Variants in TCF25 observed in about 807,000 individuals in gnomAD.
TCF25 encodes the protein TCF25 ribosome quality control complex subunit.
TCF25 carries 41 observed loss-of-function variants against 83.1 expected under a neutral mutation model. The ratio of observed to expected loss-of-function variants is 0.49; its 90% confidence interval spans 0.38 to 0.64. The LOEUF (loss-of-function observed/expected upper bound fraction) is 0.64, where lower values mean the gene tolerates loss of function less well. Ranked by LOEUF, TCF25 falls within the 30% of genes least tolerant of loss-of-function variation. TCF25 has a pLI of 0.00. For missense variants in TCF25, 979 were observed against 914.5 expected (o/e 1.07, Z -0.91); for synonymous variants, 458 against 365.0 (o/e 1.25, Z -2.90).
chr16:89,908,835 A>C, intron 16 of TCF25: 1 of 956,944 alleles, frequency 1.0e-6, no homozygotes, highest in Non-Finnish European at 1.4e-6. Context: ...CCCAGCTCCC[A>C]CCTCGCAGCT....
At position 89,898,788 on chromosome 16, in the gene TCF25, C is replaced by G; in HGVS notation, c.1137C>G (p.Pro379=). The part of the protein sequence containing the change: ...LILSLEPDED[P]LCMLLLIDHL... Reference sequence around the variant, plus strand: ...GAAGTCTCGAGCCGGATGAGGACCCCCTCTGCATGCTGCTGCTCATCGACC... The same window carrying G: ...GAAGTCTCGAGCCGGATGAGGACCCGCTCTGCATGCTGCTGCTCATCGACC... The change falls in exon 11 of 18, where the codon CCC becomes CCG. Residue 379 remains proline, a synonymous_variant. Coordinates refer to ENST00000263346, the MANE Select transcript of TCF25 (RefSeq NM_014972.3). 1 of 1,613,974 alleles carries G rather than the reference C, an allele frequency of 6.2e-7. No individual in the cohort carries two copies. The highest frequency in any genetic ancestry group is 8.5e-7 in the Non-Finnish European group (1 of 1,180,052).
Position 89,911,323 on chromosome 16 carries a change from G to A in TCF25, c.*85G>A. On this transcript the variant is annotated 3_prime_UTR_variant, in exon 18 of 18. Coordinates refer to ENST00000263346, the MANE Select transcript of TCF25 (RefSeq NM_014972.3). Reference sequence around the variant, plus strand: ...GAGTCGGCCAGTTGCCTGAAGTAGGGAAGCTGAGTGTGTCGCTCCCTGGTC... The same window carrying A: ...GAGTCGGCCAGTTGCCTGAAGTAGGAAAGCTGAGTGTGTCGCTCCCTGGTC... 1.3e-6 allele frequency: 2 copies of A among 1,556,742 alleles called. No homozygotes were observed. Among genetic ancestry groups the A allele is most frequent in the Non-Finnish European group, 1.8e-6 (2 of 1,140,134 alleles).
chr16:89,892,929 C>T (rs1597327107), intron 6 of TCF25, among the ~76,000 whole-genome samples: 1 of 152,166 alleles, frequency 6.6e-6, no homozygotes, highest in African/African-American at 2.4e-5. Context: ...CTCCCACGGC[C>T]GCTTCTCCTG....
In TCF25 at chr16:89,911,271, T is replaced by A; in HGVS notation, c.*33T>A. On this transcript the variant is annotated 3_prime_UTR_variant, in exon 18 of 18. Transcript: ENST00000263346. ...CAGAGGTGACCGAAAAGCCGTATGA[T>A]GATGTTCCCGATTTCTCTGTTGGTC... 1 of 1,605,154 alleles carries A rather than the reference T, an allele frequency of 6.2e-7. No homozygotes were observed. Among genetic ancestry groups the A allele is most frequent in the Non-Finnish European group, 8.5e-7 (1 of 1,174,076 alleles).
chr16:89,878,467 T>C (rs2042359010), intron 1 of TCF25: 3 of 1,127,494 alleles, frequency 2.7e-6, no homozygotes, highest in South Asian at 3.1e-5. Flanking sequence ...TTAGGAAAAA[T>C]GGACATTTTC....
chr16:89,908,653 A>G (rs1361809172), intron 16 of TCF25, among the ~76,000 whole-genome samples: 3 of 49,072 alleles, frequency 6.1e-5, no homozygotes, highest in African/African-American at 1.2e-4. Context: ...CCCAGCTCCC[A>G]CCTCCCAGCT....
At chr16:89,903,035 T>C (rs1224285450) in intron 12 of TCF25, among the ~76,000 whole-genome samples, 1 of 152,186 alleles carries the variant, frequency 6.6e-6, no homozygotes, top group Non-Finnish European at 1.5e-5. Flanking sequence ...CCCCTGTGTC[T>C]AAGAAGCACC....
At chr16:89,883,801 T>G in intron 2 of TCF25, 1 of 313,510 alleles carries the variant, frequency 3.2e-6, no homozygotes, top group Non-Finnish European at 5.8e-6. Context: ...GTGTCCCTCC[T>G]AGCCGACCGC....
At chr16:89,880,694 G>T (rs2042543654) in intron 1 of TCF25, among the ~76,000 whole-genome samples, 1 of 152,196 alleles carries the variant, frequency 6.6e-6, no homozygotes. Context: ...TTTGAGGCCA[G>T]CCTGGGCAAC....
Position 89,911,127 on chromosome 16 carries a change from G to C in TCF25, c.1920G>C (p.Gln640His), listed in dbSNP as rs1300225796. Reference protein sequence around the residue: ...EGVAGGLNRNQGLNRLMLAVR... With the variant: ...EGVAGGLNRNHGLNRLMLAVR... The stretch of plus-strand genomic sequence containing the variant: ...TGGCTGGGGGTCTGAACCGCAACCA[G>C]GGCCTGAACAGGCTGATGCTGGCTG... The change falls in exon 18 of 18, where the codon CAG (glutamine) becomes CAC (histidine). Residue 640 changes from glutamine to histidine, a missense_variant. Coordinates refer to ENST00000263346, the MANE Select transcript of TCF25 (RefSeq NM_014972.3). 6.2e-7 allele frequency: 1 copy of C among 1,611,850 alleles called. No homozygotes were observed. The highest frequency in any genetic ancestry group is 8.5e-7 in the Non-Finnish European group (1 of 1,179,948).
chr16:89,905,167 T>C, intron 14 of TCF25, 71 bp downstream of exon 14: 1 of 1,471,606 alleles, frequency 6.8e-7, no homozygotes, highest in South Asian at 1.4e-5. Context: ...CACGGGGGCC[T>C]CGCATTCGGG....
intron 14 of TCF25, among the ~76,000 whole-genome samples, chr16:89,905,652 G>A (rs1379811092): frequency 1.3e-5 from 2 of 152,254 alleles, no homozygotes; most frequent in Admixed American, 6.5e-5. Flanking sequence ...CCACAGTGAA[G>A]TCTGTGTGCC....
In TCF25 at chr16:89,895,125, C is replaced by G; in HGVS notation, c.916C>G (p.Arg306Gly). The change falls in exon 8 of 18, where the codon CGA (arginine) becomes GGA (glycine). Residue 306 changes from arginine (R) to glycine (G), a missense_variant. Transcript: ENST00000263346. ...CTTTCAAGAGGATCAGGAGATGGCT[C>G]GAGACCTCGTAGGTAAGGCAGAGCC... ...CRFQEDQEMARDLVERALYSM... is the reference protein window; with the variant it reads ...CRFQEDQEMAGDLVERALYSM... 6.2e-7 allele frequency: 1 copy of G among 1,612,608 alleles called. No individual in the cohort carries two copies. The highest frequency in any genetic ancestry group is 1.1e-5 in the South Asian group (1 of 90,990).
intron 3 of TCF25, among the ~76,000 whole-genome samples, 198 bp from the exon 4 acceptor site, chr16:89,885,650 G>T (rs1597294583): frequency 6.6e-6 from 1 of 152,266 alleles, no homozygotes; most frequent in Non-Finnish European, 1.5e-5. Context: ...CTGTGATTCT[G>T]TCTATGCTGA....
At chr16:89,900,272 T>A (rs76705146) in intron 11 of TCF25, among the ~76,000 whole-genome samples, 1 of 152,070 alleles carries the variant, frequency 6.6e-6, no homozygotes, top group Non-Finnish European at 1.5e-5. Flanking sequence ...TGGGCTGCTC[T>A]CACAGACTCG....
chr16:89,884,685 GTCCCTCTGCCTGACGCCCCTC>G (rs773198921), intron 3 of TCF25, 29 bp downstream of exon 3: 16 of 1,600,796 alleles, frequency 1.0e-5, no homozygotes, highest in South Asian at 7.8e-5. Flanking sequence ...GCTGTGCTCT[GTCCCTCTGCCTGACGCCCCTC>G]TCCCTCTGCC....
chr16:89,900,988 A>T, intron 12 of TCF25, 194 bp downstream of exon 12: 1 of 589,702 alleles, frequency 1.7e-6, no homozygotes, highest in Non-Finnish European at 2.7e-6. Flanking sequence ...GCTGCGTGCC[A>T]AGCCAGGCAC....
chr16:89,886,182 C>T (rs1027647956), intron 4 of TCF25: 86 of 527,988 alleles, frequency 1.6e-4, no homozygotes, highest in Non-Finnish European at 2.6e-4. Flanking sequence ...AATCCCAGCA[C>T]TTTGGGAGGC....
Position 89,909,001 on chromosome 16 carries a change from G to A in TCF25, c.1800-1590G>A, listed in dbSNP as rs1242726221. ...GAGGAGAGGAACAGTGTTATTTGGG[G>A]GTCACAGCTCTGCGTTTGCAGGCCA... On this transcript the variant is annotated intron_variant, in intron 16 of 17. Transcript: ENST00000263346. 7.8e-6 allele frequency: 10 copies of A among 1,289,510 alleles called. No individual in the cohort carries two copies. In the South Asian group the frequency reaches 8.6e-5, roughly 11 times the overall value. The allele number at this position is 1,289,510 out of a possible 1,614,324, so 79.9% of individuals were successfully genotyped here. A position where few individuals can be genotyped will look rare whatever the true frequency, so the allele number is the denominator to read the frequency against.
Sources: gnomAD v4.1 joint callset for allele counts (sites outside exome capture counted in the v4.1 genomes callset) on GRCh38, gnomAD v4.1.1 for gene constraint, MANE v1.5 for transcripts, NCBI Gene and HGNC (gene_info 2026-07-23, HGNC 2026-07-21) for gene names.